The following DLG2 variants were observed in gnomAD, a reference collection of about 807,000 sequenced individuals.
DLG2 encodes the protein discs large MAGUK scaffold protein 2, also known as disks large homolog 2.
DLG2 carries 45 observed loss-of-function variants against 132.5 expected under a neutral mutation model. The ratio of observed to expected loss-of-function variants is 0.34; its 90% confidence interval spans 0.27 to 0.44. The LOEUF (loss-of-function observed/expected upper bound fraction) is 0.44, where lower values mean the gene tolerates loss of function less well. DLG2 is among the 20% of genes least tolerant of loss of function. DLG2 has a pLI of 1.00. For synonymous variants in DLG2, 424 were observed against 419.6 expected, an observed-to-expected ratio of 1.01 and a Z score of -0.13; for missense variants, 1,045 against 1,196.9, an observed-to-expected ratio of 0.87 and a Z score of 1.87.
intron 7 of DLG2, among the ~76,000 whole-genome samples, chr11:84,423,576 G>T (rs999657856): frequency 2.6e-5 from 4 of 151,988 alleles, no homozygotes; most frequent in Non-Finnish European, 4.4e-5. Flanking sequence ...CTTTATTGTT[G>T]TCTTCCTCAT....
At chr11:84,171,293 T>G (rs1323570344) in intron 8 of DLG2, among the ~76,000 whole-genome samples, 1 of 152,192 alleles carries the variant, frequency 6.6e-6, no homozygotes, top group Non-Finnish European at 1.5e-5. Context: ...TGCAGTTTTG[T>G]TACATGGATA....
chr11:83,894,013 C>T lies in DLG2; in HGVS notation c.1497-19525G>A, dbSNP rs553295861. Among the ~76,000 whole-genome samples, 9 of 152,330 alleles carry T rather than the reference C, an allele frequency of 5.9e-5. No individual in the cohort carries two copies. The South Asian group carries it at 1.9e-3, about 32-fold the overall frequency. ...CCTTTCTCCCACCTCCAAACTTTAT[C>T]AAGGCATATCCTCATTCATCCTTAT... On this transcript the variant is annotated intron_variant, in intron 15 of 27. Coordinates refer to ENST00000376104, the MANE Select transcript of DLG2 (RefSeq NM_001142699.3).
chr11:85,157,761 T>C (rs1048652511), intron 4 of DLG2, among the ~76,000 whole-genome samples: 2 of 152,070 alleles, frequency 1.3e-5, no homozygotes, highest in African/African-American at 4.8e-5. Context: ...AGGGCACTGA[T>C]TGGAAAAGAA....
At chr11:84,075,364 T>C (rs554739778) in intron 10 of DLG2, among the ~76,000 whole-genome samples, 22 of 152,218 alleles carry the variant, frequency 1.4e-4, no homozygotes, top group Admixed American at 2.6e-4. Flanking sequence ...GTCTGTCTGG[T>C]TGACCATTTT....
At chr11:84,020,473 A>G (rs1306885232) in intron 11 of DLG2, among the ~76,000 whole-genome samples, 4 of 152,180 alleles carry the variant, frequency 2.6e-5, no homozygotes, top group African/African-American at 7.2e-5. Flanking sequence ...ACACACATGT[A>G]ATATTTGAAT....
chr11:83,897,607 A>C (rs953827304), intron 15 of DLG2, among the ~76,000 whole-genome samples: 2 of 152,218 alleles, frequency 1.3e-5, no homozygotes, highest in East Asian at 3.8e-4. Context: ...GCAGCTTGAT[A>C]AAGTGGAGGC....
At chr11:84,236,018 T>C (rs1021160825) in intron 8 of DLG2, among the ~76,000 whole-genome samples, 7 of 150,772 alleles carry the variant, frequency 4.6e-5, no homozygotes, top group African/African-American at 1.7e-4. Context: ...ATATCTGTAC[T>C]GTGAGATATT....
At chr11:84,743,897 TG>T (rs921303275) in intron 6 of DLG2, among the ~76,000 whole-genome samples, 86 of 152,222 alleles carry the variant, frequency 5.6e-4, no homozygotes, top group African/African-American at 2.0e-3. Flanking sequence ...GCTAATTTTT[TG>T]TATTTTTAGT....
In DLG2 at chr11:84,074,511, C is replaced by T. The variant is rs552250792; in HGVS notation, c.750-15027G>A. The stretch of plus-strand genomic sequence containing the variant: ...TGTTTTCTTTAATATATTCTCTAGA[C>T]GGAAACCAGAGTTTCTAATTTTTTT... On this transcript the variant is annotated intron_variant, in intron 10 of 27. Transcript: ENST00000376104. Among the ~76,000 whole-genome samples the T allele has an allele frequency of 2.6e-3, 391 of 151,734 alleles. 1 individual carries two copies. Among genetic ancestry groups the T allele is most frequent in the African/African-American group, 8.9e-3 (366 of 41,312 alleles).
intron 11 of DLG2, among the ~76,000 whole-genome samples, chr11:84,036,601 T>C (rs17146616): frequency 0.035 from 5,300 of 152,246 alleles, 262 homozygotes; most frequent in African/African-American, 0.12. Context: ...GTTTTCTTAC[T>C]GAGGAATTGC....
intron 10 of DLG2, among the ~76,000 whole-genome samples, chr11:84,078,776 T>G (rs1219492684): frequency 1.3e-5 from 2 of 152,192 alleles, no homozygotes; most frequent in Non-Finnish European, 2.9e-5. Context: ...TATTCCATAC[T>G]TTTTCAAGGC....
chr11:84,861,944 C>A (rs917011032), intron 6 of DLG2, among the ~76,000 whole-genome samples: 1 of 148,966 alleles, frequency 6.7e-6, no homozygotes, highest in African/African-American at 2.5e-5. Flanking sequence ...GAACAAAAAA[C>A]CAAACACCGC....
intron 6 of DLG2, among the ~76,000 whole-genome samples, chr11:85,031,039 C>A (rs147752618): frequency 6.6e-6 from 1 of 151,702 alleles, no homozygotes; most frequent in Non-Finnish European, 1.5e-5. Flanking sequence ...ATGAAATGTT[C>A]TATTTTATAT....
At chr11:84,120,424 C>A (rs575197583) in intron 9 of DLG2, among the ~76,000 whole-genome samples, 1 of 152,050 alleles carries the variant, frequency 6.6e-6, no homozygotes, top group Non-Finnish European at 1.5e-5. Flanking sequence ...GGGGATACAC[C>A]GGTAGTAATT....
intron 6 of DLG2, among the ~76,000 whole-genome samples, chr11:84,895,205 T>C (rs968967442): frequency 2.6e-5 from 4 of 152,090 alleles, no homozygotes; most frequent in African/African-American, 9.7e-5. Flanking sequence ...AATTAAAATA[T>C]TAATATTAGT....
intron 4 of DLG2, among the ~76,000 whole-genome samples, chr11:85,218,583 G>C (rs911651666): frequency 6.6e-6 from 1 of 152,180 alleles, no homozygotes; most frequent in Non-Finnish European, 1.5e-5. Flanking sequence ...TGATGAGGCT[G>C]TGGAGAAAAG....
intron 6 of DLG2, among the ~76,000 whole-genome samples, chr11:84,849,431 G>T (rs1377912078): frequency 6.6e-6 from 1 of 151,976 alleles, no homozygotes; most frequent in Non-Finnish European, 1.5e-5. Flanking sequence ...CATAATACTT[G>T]TCCTTTCCTA....
At chr11:84,630,342 G>C (rs979807132) in intron 6 of DLG2, among the ~76,000 whole-genome samples, 7 of 152,116 alleles carry the variant, frequency 4.6e-5, no homozygotes, top group African/African-American at 1.4e-4. Context: ...CCTGAGGTTA[G>C]GTTTGGGGTA....
At chr11:84,600,224 G>GAAAGAAAA (rs61255791) in intron 6 of DLG2, among the ~76,000 whole-genome samples, 1 of 100,572 alleles carries the variant, frequency 9.9e-6, no homozygotes, top group Non-Finnish European at 2.0e-5. Flanking sequence ...AAGAAAGAAA[G>GAAAGAAAA]AGAAAGAAAG....
Sources: gnomAD v4.1 joint callset for allele counts (sites outside exome capture counted in the v4.1 genomes callset) on GRCh38, gnomAD v4.1.1 for gene constraint, MANE v1.5 for transcripts, NCBI Gene and HGNC (gene_info 2026-07-23, HGNC 2026-07-21) for gene names.